CNTLN: variants seen among roughly 807,000 people sequenced by gnomAD.
The protein encoded by CNTLN is centlein, centrosomal protein.
In CNTLN, 212 loss-of-function variants were observed where a neutral mutation model predicts 180.0. The ratio of observed to expected loss-of-function variants is 1.18; its 90% confidence interval spans 1.05 to 1.32. CNTLN has a LOEUF of 1.32. CNTLN is among the 40% of genes most tolerant of loss of function. CNTLN has a pLI of 0.00. For synonymous variants in CNTLN, 722 were observed against 563.1 expected, an observed-to-expected ratio of 1.28 and a Z score of -3.99; for missense variants, 2,095 against 1,610.9, an observed-to-expected ratio of 1.30 and a Z score of -5.14.
chr9:17,191,552 T>A (rs146706341), intron 2 of CNTLN, among the ~76,000 whole-genome samples: 1 of 152,356 alleles, frequency 6.6e-6, no homozygotes, highest in African/African-American at 2.4e-5. Context: ...ATTAAGATCC[T>A]AACTAATTTC....
chr9:17,438,729 C>G (rs1187338854), intron 18 of CNTLN, among the ~76,000 whole-genome samples: 1 of 152,040 alleles, frequency 6.6e-6, no homozygotes, highest in African/African-American at 2.4e-5. Context: ...AGGGGATAAG[C>G]CTGGGCTAGA....
chr9:17,510,987 C>A, the CNTLN span, among the ~76,000 whole-genome samples: 1 of 152,106 alleles, frequency 6.6e-6, no homozygotes, highest in Admixed American at 6.5e-5. Flanking sequence ...CTCTGCAACC[C>A]CACCAACCAT....
chr9:17,176,508 G>A (rs1820728135), intron 2 of CNTLN, among the ~76,000 whole-genome samples: 1 of 152,112 alleles, frequency 6.6e-6, no homozygotes, highest in African/African-American at 2.4e-5. Flanking sequence ...GTTAAGGATT[G>A]ATTGCATCTC....
chr9:17,526,879 G>T, the CNTLN span, among the ~76,000 whole-genome samples: 1 of 151,016 alleles, frequency 6.6e-6, no homozygotes, highest in South Asian at 2.1e-4. Context: ...GTCTTGCTGT[G>T]TCACCCAGGC....
intron 5 of CNTLN, among the ~76,000 whole-genome samples, chr9:17,250,637 C>T (rs1826081730): frequency 6.6e-6 from 1 of 151,920 alleles, no homozygotes; most frequent in Non-Finnish European, 1.5e-5. Flanking sequence ...CTTTGTCCAT[C>T]CATTTTATGT....
the CNTLN span, among the ~76,000 whole-genome samples, chr9:17,528,095 T>C: frequency 3.9e-5 from 6 of 152,226 alleles, no homozygotes; most frequent in Non-Finnish European, 7.4e-5. Context: ...AACATAGATA[T>C]GTTTCCAAGT....
At position 17,280,431 on chromosome 9, in the gene CNTLN, A is replaced by T. The variant is rs541959690; in HGVS notation, c.983+6565A>T. Among the ~76,000 whole-genome samples the T allele has an allele frequency of 2.0e-5, 3 of 151,976 alleles. No homozygotes were observed. The East Asian group carries it at 5.8e-4, about 29-fold the overall frequency. The stretch of plus-strand genomic sequence containing the variant: ...GATGGCATTTTTTTTTCTTTGTATC[A>T]ATCCTTTTTTATTATCTTTTTCATT... On this transcript the variant is annotated intron_variant, in intron 6 of 25. Coordinates refer to ENST00000380647, the MANE Select transcript of CNTLN (RefSeq NM_017738.4).
In CNTLN at chr9:17,466,854, C is replaced by A; in HGVS notation, c.3818C>A (p.Ala1273Asp). Reference sequence around the variant, plus strand: ...GGTGCACAGAAGACATTGCTGTTAGCCAATGAAAAAGTAGAAGAGTTCACC... The same window carrying A: ...GGTGCACAGAAGACATTGCTGTTAGACAATGAAAAAGTAGAAGAGTTCACC... The part of the protein sequence containing the change: ...LEGAQKTLLL[A>D]NEKVEEFTTF... Residue 1273 changes from alanine to aspartate, a missense_variant, in exon 23 of 26, where the codon GCC becomes GAC. By Grantham distance (126) the Ala-to-Asp change is moderately radical. Coordinates refer to ENST00000380647, the MANE Select transcript of CNTLN (RefSeq NM_017738.4). 1 of 1,609,662 alleles carries A rather than the reference C, an allele frequency of 6.2e-7. No homozygotes were observed. Among genetic ancestry groups the A allele is most frequent in the Non-Finnish European group, 8.5e-7 (1 of 1,177,162 alleles).
chr9:17,462,478 C>T (rs572795326), intron 19 of CNTLN, among the ~76,000 whole-genome samples: 4 of 151,884 alleles, frequency 2.6e-5, no homozygotes, highest in Admixed American at 6.6e-5. Context: ...AGCCAGACTA[C>T]GTTCAGTGGG....
chr9:17,159,821 T>C (rs955471800), intron 2 of CNTLN, among the ~76,000 whole-genome samples: 4 of 152,220 alleles, frequency 2.6e-5, no homozygotes, highest in African/African-American at 9.6e-5. Context: ...ATAGATTTTC[T>C]TGGATAGATG....
intron 12 of CNTLN, among the ~76,000 whole-genome samples, chr9:17,353,997 G>C (rs1348062307): frequency 6.6e-6 from 1 of 152,226 alleles, no homozygotes; most frequent in Non-Finnish European, 1.5e-5. Context: ...GGAGTTTCGG[G>C]TGGGCGTGGG....
chr9:17,524,450 T>G, the CNTLN span, among the ~76,000 whole-genome samples: 2 of 152,310 alleles, frequency 1.3e-5, no homozygotes, highest in East Asian at 3.9e-4. Context: ...AATAAGGCCT[T>G]CCCATAATTA....
intron 19 of CNTLN, 133 bp downstream of exon 19, chr9:17,457,848 C>A: frequency 1.9e-6 from 1 of 528,220 alleles, no homozygotes; most frequent in Non-Finnish European, 3.0e-6. Context: ...ATTAATATTG[C>A]CTTCATCATT....
intron 10 of CNTLN, among the ~76,000 whole-genome samples, chr9:17,334,387 C>T (rs1232426753): frequency 1.3e-5 from 2 of 151,128 alleles, no homozygotes; most frequent in African/African-American, 2.4e-5. Context: ...AAATTTGTTA[C>T]CTGGGTTCTC....
intron 20 of CNTLN, among the ~76,000 whole-genome samples, chr9:17,463,950 AGC>A (rs1831597766): frequency 6.6e-6 from 1 of 151,492 alleles, no homozygotes; most frequent in African/African-American, 2.4e-5. Context: ...CAGCAGCAGC[AGC>A]AGCAGTAGCA....
chr9:17,387,207 T>A (rs1269743646), intron 13 of CNTLN, among the ~76,000 whole-genome samples: 2 of 152,210 alleles, frequency 1.3e-5, no homozygotes, highest in African/African-American at 4.8e-5. Flanking sequence ...TGTTTTCTTT[T>A]TCCTTTGTTG....
At chr9:17,464,934 T>C (rs1180813771) in intron 21 of CNTLN, among the ~76,000 whole-genome samples, 1 of 151,180 alleles carries the variant, frequency 6.6e-6, no homozygotes, top group African/African-American at 2.4e-5. Flanking sequence ...AACTGTAATT[T>C]ATGATAGAAT....
rs554287068 is a variant in CNTLN, at chr9:17,264,895, C to G, written c.850-8838C>G. Among the ~76,000 whole-genome samples the G allele has an allele frequency of 1.9e-4, 29 of 150,748 alleles. No individual in the cohort carries two copies. In the South Asian group the frequency reaches 6.3e-3, roughly 33 times the overall value. ...TGATTTTTGTACATTGATTTTGTAT[C>G]CTGAGACTTTGCCGAAGTTGCTCAT... On this transcript the variant is annotated intron_variant, in intron 5 of 25. Coordinates refer to ENST00000380647, the MANE Select transcript of CNTLN (RefSeq NM_017738.4).
chr9:17,331,478 T>C (rs1820639605), intron 9 of CNTLN, among the ~76,000 whole-genome samples: 1 of 151,978 alleles, frequency 6.6e-6, no homozygotes, highest in African/African-American at 2.4e-5. Context: ...CTAGATAAAT[T>C]GAAATAACAT....
Sources: gnomAD v4.1 joint callset for allele counts (sites outside exome capture counted in the v4.1 genomes callset) on GRCh38, gnomAD v4.1.1 for gene constraint, MANE v1.5 for transcripts, NCBI Gene and HGNC (gene_info 2026-07-23, HGNC 2026-07-21) for gene names.